The following TIAM1 variants were observed in gnomAD, a reference collection of about 807,000 sequenced individuals.
TIAM1 encodes the protein TIAM Rac1 associated GEF 1.
In TIAM1, 65 loss-of-function variants were observed where a neutral mutation model predicts 163.5. The observed-to-expected ratio is 0.40, with a 90% confidence interval of 0.33 to 0.49. TIAM1 has a LOEUF of 0.49. Among genes scored for constraint, TIAM1 ranks in the 20% least tolerant of loss-of-function variants. The probability of loss-of-function intolerance (pLI) is 0.77; values close to 1 mark genes in which losing one functional copy is unlikely to be tolerated. For synonymous variants in TIAM1, 833 were observed against 810.1 expected (o/e 1.03, Z -0.48); for missense variants, 1,789 against 2,044.7 (o/e 0.87, Z 2.41).
At position 31,531,636 on chromosome 21, in the gene TIAM1, C is replaced by T. The variant is rs186525786; in HGVS notation, c.-422+27291G>A. Among the ~76,000 whole-genome samples, 291 of 151,902 alleles carry T rather than the reference C, an allele frequency of 1.9e-3. 1 individual carries two copies. Among genetic ancestry groups the T allele is most frequent in the African/African-American group, 6.6e-3 (273 of 41,408 alleles). On this transcript the variant is annotated intron_variant, in intron 1 of 28. Coordinates refer to the TIAM1 transcript ENST00000286827. ...GGAAAAAGGAGGATCAAAGAGGACC[C>T]AGAGAAGAAAGGAGGGCAGGAGAGA...
At chr21:31,310,907 C>T (rs2074900371) in intron 2 of TIAM1, among the ~76,000 whole-genome samples, 1 of 152,212 alleles carries the variant, frequency 6.6e-6, no homozygotes, top group African/African-American at 2.4e-5. Flanking sequence ...GCATACTTTG[C>T]ATTTTCGGAT....
intron 2 of TIAM1, among the ~76,000 whole-genome samples, chr21:31,401,798 C>T (rs1473106963): frequency 6.6e-6 from 1 of 151,892 alleles, no homozygotes; most frequent in African/African-American, 2.4e-5. Flanking sequence ...GGAACCCTAG[C>T]TACTCAGGGG....
intron 3 of TIAM1, among the ~76,000 whole-genome samples, chr21:31,268,709 G>GA (rs951052896): frequency 6.6e-6 from 1 of 152,010 alleles, no homozygotes; most frequent in African/African-American, 2.4e-5. Context: ...TAAGAAGCAA[G>GA]AAAAAAGATA....
At chr21:31,261,392 T>C (rs983072407) in intron 4 of TIAM1, among the ~76,000 whole-genome samples, 2 of 151,774 alleles carry the variant, frequency 1.3e-5, no homozygotes, top group East Asian at 3.9e-4. Context: ...GAAAAGGCCC[T>C]CCTTGATTAG....
At chr21:31,221,726 G>A (rs192046505) in intron 8 of TIAM1, among the ~76,000 whole-genome samples, 5 of 152,194 alleles carry the variant, frequency 3.3e-5, no homozygotes, top group Admixed American at 6.5e-5. Context: ...ATGGTACCTC[G>A]ATGACATCAC....
At chr21:31,530,604 C>T (rs1357327797) in intron 1 of TIAM1, among the ~76,000 whole-genome samples, 1 of 152,298 alleles carries the variant, frequency 6.6e-6, no homozygotes, top group Non-Finnish European at 1.5e-5. Flanking sequence ...CCCCAGTGCC[C>T]GACTGTATGA....
At position 31,391,390 on chromosome 21, in the gene TIAM1, C is replaced by T. The variant is rs1416443485; in HGVS notation, c.-368-51968G>A. Among the ~76,000 whole-genome samples, 6 of 152,130 alleles carry T rather than the reference C, an allele frequency of 3.9e-5. No individual in the cohort carries two copies. The East Asian group carries it at 9.7e-4, about 25-fold the overall frequency. Reference sequence around the variant, plus strand: ...CTGTAATCCTAGCACTTTGGGAGGCCGAGACAGGCAGATCACCTGAGGTCA... The same window carrying T: ...CTGTAATCCTAGCACTTTGGGAGGCTGAGACAGGCAGATCACCTGAGGTCA... On this transcript the variant is annotated intron_variant, in intron 2 of 28. Transcript: ENST00000286827.
chr21:31,120,262 T>C lies in TIAM1; in HGVS notation c.*106A>G, dbSNP rs914177597. 8.3e-7 allele frequency: 1 copy of C among 1,207,532 alleles called. No homozygotes were observed. The allele number at this position is 1,207,532 out of a possible 1,614,324, so 74.8% of individuals were successfully genotyped here. On this transcript the variant is annotated 3_prime_UTR_variant, in exon 28 of 28. Transcript: ENST00000541036. This position sits in a 1 kb window ranked among gnomAD's most constrained non-coding sequence, Gnocchi z 4.2. ...CCAAGTCAGCTGCCAAAACCGTGTG[T>C]GCAAGAGCGCGACCTAAGGGGACAT...
At chr21:31,535,125 G>A (rs1249364241) in intron 1 of TIAM1, among the ~76,000 whole-genome samples, 1 of 151,064 alleles carries the variant, frequency 6.6e-6, no homozygotes, top group Non-Finnish European at 1.5e-5. Context: ...GCTCACGCCT[G>A]TAATCCCAGC....
chr21:31,506,261 T>TACACACACGTACACAC (rs1556009397), intron 1 of TIAM1, among the ~76,000 whole-genome samples: 1,847 of 148,590 alleles, frequency 0.012, 21 homozygotes, highest in South Asian at 0.034. Flanking sequence ...CTCACACACG[T>TACACACACGTACACAC]ACACACACAC....
chr21:31,210,114 A>T lies in TIAM1; in HGVS notation c.2319T>A (p.Asn773Lys). 6.2e-7 allele frequency: 1 copy of T among 1,614,168 alleles called. No homozygotes were observed. The highest frequency in any genetic ancestry group is 1.1e-5 in the South Asian group (1 of 91,082). Reference protein sequence around the residue: ...YFTPSWFCLPNNQPALTVVRP... With the variant: ...YFTPSWFCLPKNQPALTVVRP... Reference sequence around the variant, plus strand: ...GGACGACCGTCAGGGCAGGCTGATTATTGGGCAGACAGAACCAGGATGGAG... The same window carrying T: ...GGACGACCGTCAGGGCAGGCTGATTTTTGGGCAGACAGAACCAGGATGGAG... The change falls in exon 11 of 28, where the codon AAT becomes AAA. Residue 773 changes from asparagine to lysine, a missense_variant. Coordinates refer to ENST00000541036, the MANE Select transcript of TIAM1 (RefSeq NM_001353694.2).
rs202033272 is a variant in TIAM1 at position 31,210,811 on chromosome 21, AAAG to A, written c.2218-599_2218-597del. ...GAAAGAAAGAAAGAAAGAAAGAAAG[AAAG>A]GTCACCATTCAGCTCAGCTTTATGG... On this transcript the variant is annotated intron_variant, in intron 10 of 27. Coordinates refer to ENST00000541036, the MANE Select transcript of TIAM1 (RefSeq NM_001353694.2). 3.9e-3 allele frequency among the ~76,000 whole-genome samples: 583 copies of A among 148,228 alleles called. 7 individuals are homozygous for A. The highest frequency in any genetic ancestry group is 0.014 in the African/African-American group (554 of 39,806).
chr21:31,544,346 C>T (rs1037923126), intron 1 of TIAM1, among the ~76,000 whole-genome samples: 2 of 61,756 alleles, frequency 3.2e-5, no homozygotes, highest in Non-Finnish European at 9.1e-5. Flanking sequence ...AAAAGGGCCA[C>T]GATCCCTCTT....
At chr21:31,135,297 A>G (rs2082576221) in intron 23 of TIAM1, among the ~76,000 whole-genome samples, 1 of 152,232 alleles carries the variant, frequency 6.6e-6, no homozygotes, top group Non-Finnish European at 1.5e-5. Flanking sequence ...AAAGCATATT[A>G]CAATACAATC....
chr21:31,395,552 T>C lies in TIAM1; in HGVS notation c.-368-56130A>G, dbSNP rs1350383139. On this transcript the variant is annotated intron_variant, in intron 2 of 28. Coordinates refer to the TIAM1 transcript ENST00000286827. The surrounding 1 kb of genome is among the most constrained non-coding windows in gnomAD (Gnocchi z 7.5). ...AGAGAAGGGCCAACCCTGCATTTTC[T>C]GCCACAGGAGAATGTATTGTTCTCT... Among the ~76,000 whole-genome samples the C allele has an allele frequency of 2.0e-5, 3 of 152,202 alleles. No individual in the cohort carries two copies. The highest frequency in any genetic ancestry group is 1.3e-4 in the Admixed American group (2 of 15,274).
At chr21:31,526,867 C>A (rs2065283) in intron 1 of TIAM1, among the ~76,000 whole-genome samples, 96,261 of 151,794 alleles carry the variant, frequency 0.63, 30,833 homozygotes, top group East Asian at 0.96. Flanking sequence ...ATGCCAAGCT[C>A]ATTTTGGTAT....
intron 2 of TIAM1, among the ~76,000 whole-genome samples, chr21:31,352,194 A>T (rs1327384573): frequency 6.6e-6 from 1 of 152,232 alleles, no homozygotes; most frequent in Non-Finnish European, 1.5e-5. Flanking sequence ...TGCCCATCAG[A>T]TGAATGAATA....
chr21:31,280,713 G>A (rs944195132), intron 2 of TIAM1, among the ~76,000 whole-genome samples: 5 of 151,718 alleles, frequency 3.3e-5, no homozygotes, highest in African/African-American at 7.3e-5. Flanking sequence ...ATGAAAATAC[G>A]GTGTCAGAAA....
At chr21:31,501,295 G>A (rs1463214577) in intron 1 of TIAM1, among the ~76,000 whole-genome samples, 4 of 152,116 alleles carry the variant, frequency 2.6e-5, no homozygotes, top group South Asian at 2.1e-4. Flanking sequence ...CAGTTACAAC[G>A]GTGAAGAACC....
Sources: allele counts gnomAD v4.1 joint callset (sites outside exome capture counted in the v4.1 genomes callset), GRCh38; gene constraint gnomAD v4.1.1; non-coding constraint Gnocchi (gnomAD v3.1); transcripts MANE v1.5; gene names NCBI Gene and HGNC (gene_info 2026-07-23, HGNC 2026-07-21).